The following NMNAT1 variants were observed in gnomAD, a reference collection of about 807,000 sequenced individuals.
The protein encoded by NMNAT1 is nicotinamide/nicotinic acid mononucleotide adenylyltransferase 1.
Under a neutral mutation model 16.7 loss-of-function variants are expected in NMNAT1, and 11 were observed. The observed-to-expected ratio is 0.66, with a 90% CI of 0.41 to 1.09. The LOEUF is 1.09. Among genes scored for constraint, NMNAT1 ranks in the 50% least tolerant of loss-of-function variants. The pLI is 0.00. For synonymous variants in NMNAT1, 110 were observed against 119.8 expected (o/e 0.92, Z 0.53); for missense variants, 280 against 332.3 (o/e 0.84, Z 1.22).
intron 1 of NMNAT1, chr1:9,947,196 CT>C (rs1288538877): frequency 2.0e-5 from 3 of 152,254 alleles, no homozygotes; most frequent in South Asian, 2.1e-4. Flanking sequence ...TTTCTCTTCT[CT>C]TTTTTTTGGA....
chr1:9,961,504 A>G (rs1243461286), intron 1 of NMNAT1, among the ~76,000 whole-genome samples: 1 of 151,428 alleles, frequency 6.6e-6, no homozygotes, highest in Non-Finnish European at 1.5e-5. Context: ...CGCATTCATC[A>G]CCCCCTCCCA....
At chr1:9,954,218 G>A (rs980395692) in intron 1 of NMNAT1, among the ~76,000 whole-genome samples, 2 of 151,846 alleles carry the variant, frequency 1.3e-5, no homozygotes, top group Non-Finnish European at 2.9e-5. Context: ...GACCAACTCT[G>A]TGTCCTTTTT....
At chr1:9,978,055 A>G (rs1641854280) in intron 3 of NMNAT1, among the ~76,000 whole-genome samples, 1 of 151,868 alleles carries the variant, frequency 6.6e-6, no homozygotes, top group South Asian at 2.1e-4. Context: ...CTGGCTATAA[A>G]TAGCGCAATA....
intron 1 of NMNAT1, among the ~76,000 whole-genome samples, chr1:9,951,903 T>C (rs1641121219): frequency 6.6e-6 from 1 of 152,366 alleles, no homozygotes; most frequent in Admixed American, 6.5e-5. Context: ...CTGTGACATG[T>C]GCCTAATCAG....
chr1:9,980,251 T>C (rs1221514930), intron 3 of NMNAT1, among the ~76,000 whole-genome samples: 1 of 152,028 alleles, frequency 6.6e-6, no homozygotes, highest in African/African-American at 2.4e-5. Context: ...TTTAATTTTT[T>C]TTAGTCTTCC....
rs979972401 is a variant in NMNAT1, at chr1:9,979,286, A to T, written c.300-1745A>T. ...AGTTCAAGACCAGTGTGGGCAACAT[A>T]GTGAGACCTCATCTCTCCAAAAAAC... On this transcript the variant is annotated intron_variant, in intron 3 of 4. Coordinates refer to ENST00000377205, the MANE Select transcript of NMNAT1 (RefSeq NM_022787.4). Among the ~76,000 whole-genome samples the T allele has an allele frequency of 4.0e-5, 6 of 151,714 alleles. No homozygotes were observed. In the East Asian group the frequency reaches 1.2e-3, roughly 29 times the overall value.
In NMNAT1 at chr1:9,983,366, A is replaced by C. The variant is rs1298144991; in HGVS notation, c.*665A>C. ...CAAAACTCCATCTCAAAGAGAAAAA[A>C]AAAAAAGACCGGGTGTGGTGGCTCA... On this transcript the variant is annotated 3_prime_UTR_variant, in exon 5 of 5. Coordinates refer to ENST00000377205, the MANE Select transcript of NMNAT1 (RefSeq NM_022787.4). 1 of 151,254 alleles carries C rather than the reference A, an allele frequency of 6.6e-6. No homozygotes were observed. The highest frequency in any genetic ancestry group is 2.1e-4 in the South Asian group (1 of 4,792). The allele number at this position is 151,254 out of a possible 1,614,324, so 9.4% of individuals were successfully genotyped here.
intron 1 of NMNAT1, among the ~76,000 whole-genome samples, chr1:9,961,486 G>C (rs1260513768): frequency 1.3e-5 from 2 of 152,074 alleles, no homozygotes; most frequent in Non-Finnish European, 2.9e-5. Flanking sequence ...AGGGTACTAT[G>C]GGCATGTCGC....
At position 9,982,699 on chromosome 1, in the gene NMNAT1, T is replaced by C. The variant is rs387907290; in HGVS notation, c.838T>C (p.Ter280GlnextTer15). The change falls in exon 5 of 5, where the codon TAG (stop) becomes CAG (glutamine). Residue 280 changes from the stop codon to glutamine (Q), a stop_lost. Transcript: ENST00000377205. Reference sequence around the variant, plus strand: ...GAGAAACACTGCAGAAGCTAAGACATAGGAATTCTACAGCATGATATTTCA... The same window carrying C: ...GAGAAACACTGCAGAAGCTAAGACACAGGAATTCTACAGCATGATATTTCA... ...LQRNTAEAKT[*>Q] The C allele has an allele frequency of 1.3e-6, 2 of 1,597,638 alleles. No individual in the cohort carries two copies. Among genetic ancestry groups the C allele is most frequent in the Non-Finnish European group, 1.7e-6 (2 of 1,171,698 alleles).
intron 1 of NMNAT1, among the ~76,000 whole-genome samples, chr1:9,957,271 C>T (rs1360029498): frequency 1.3e-5 from 2 of 152,174 alleles, no homozygotes; most frequent in South Asian, 2.1e-4. Flanking sequence ...TCAGGTGATC[C>T]GCCCACCTCA....
intron 1 of NMNAT1, among the ~76,000 whole-genome samples, chr1:9,969,263 G>A (rs1641635247): frequency 6.6e-6 from 1 of 152,076 alleles, no homozygotes; most frequent in African/African-American, 2.4e-5. Flanking sequence ...ATGAATATTG[G>A]TAGAGAAATA....
At chr1:9,963,549 A>T (rs1378315024) in intron 1 of NMNAT1, among the ~76,000 whole-genome samples, 1 of 151,868 alleles carries the variant, frequency 6.6e-6, no homozygotes, top group African/African-American at 2.4e-5. Context: ...ACCTGGGATT[A>T]CAGGCGCACA....
the NMNAT1 span, among the ~76,000 whole-genome samples, chr1:9,993,953 ACT>A: frequency 1.3e-5 from 2 of 152,036 alleles, no homozygotes; most frequent in African/African-American, 4.8e-5. Context: ...TTGAATCCAG[ACT>A]CTGCCAACTA....
At chr1:9,996,342 G>C in the NMNAT1 span, among the ~76,000 whole-genome samples, 1 of 151,320 alleles carries the variant, frequency 6.6e-6, no homozygotes, top group African/African-American at 2.4e-5. Flanking sequence ...AAGAAAGAGT[G>C]AGACTCTGTC....
rs370106225 is a variant in NMNAT1, at chr1:9,981,028, T to C, written c.300-3T>C. Reference sequence around the variant, plus strand: ...AATATTCTATTGTTTTGTTGTTTTATAGACACCATCAAGAGAAATTGGAGG... The same window carrying C: ...AATATTCTATTGTTTTGTTGTTTTACAGACACCATCAAGAGAAATTGGAGG... On this transcript the variant is annotated splice_polypyrimidine_tract_variant and splice_region_variant and intron_variant, in intron 3 of 4. Transcript: ENST00000377205. The C allele has an allele frequency of 1.3e-6, 2 of 1,599,464 alleles. No homozygotes were observed. Among genetic ancestry groups the C allele is most frequent in the Non-Finnish European group, 8.5e-7 (1 of 1,176,418 alleles).
intron 1 of NMNAT1, among the ~76,000 whole-genome samples, chr1:9,970,576 C>T (rs1641664972): frequency 6.6e-6 from 1 of 151,826 alleles, no homozygotes; most frequent in African/African-American, 2.4e-5. Context: ...GTAATCCCAG[C>T]TACTCGGGAG....
chr1:9,965,242 AGGAG>A (rs1641516446), intron 1 of NMNAT1, among the ~76,000 whole-genome samples: 2 of 139,042 alleles, frequency 1.4e-5, no homozygotes, highest in Admixed American at 1.5e-4. Context: ...GCTTGAACCC[AGGAG>A]GCGGAGGTTG....
chr1:9,988,734 A>T (rs867746274), downstream of NMNAT1, among the ~76,000 whole-genome samples: 18 of 128,516 alleles, frequency 1.4e-4, no homozygotes, highest in East Asian at 4.9e-4. Context: ...GGGTACCTTG[A>T]TTTTTTTTTT....
chr1:9,959,542 G>A (rs1285845570), intron 1 of NMNAT1, among the ~76,000 whole-genome samples: 30 of 151,766 alleles, frequency 2.0e-4, no homozygotes, highest in Non-Finnish European at 1.3e-4. Context: ...TTAGCTGGGC[G>A]TGGTGGCATG....
Sources: allele counts gnomAD v4.1 joint callset (sites outside exome capture counted in the v4.1 genomes callset), GRCh38; gene constraint gnomAD v4.1.1; transcripts MANE v1.5; gene names NCBI Gene and HGNC (gene_info 2026-07-23, HGNC 2026-07-21).